Variants in BIN3 observed in about 807,000 individuals in gnomAD.
The protein encoded by BIN3 is bridging integrator 3.
In BIN3, 41 loss-of-function variants were observed where a neutral mutation model predicts 38.2. That is an observed-to-expected ratio of 1.07 (90% CI 0.84 to 1.39). The LOEUF is 1.39. Ranked by LOEUF, BIN3 falls within the 40% of genes most tolerant of loss-of-function variation. BIN3 has a pLI of 0.00. For synonymous variants in BIN3, 145 were observed against 122.6 expected (o/e 1.18, Z -1.21); for missense variants, 361 against 324.3 (o/e 1.11, Z -0.87).
At chr8:22,633,669 G>A (rs1394930119) in intron 4 of BIN3, among the ~76,000 whole-genome samples, 1 of 152,236 alleles carries the variant, frequency 6.6e-6, no homozygotes, top group Non-Finnish European at 1.5e-5. Context: ...CCCCTCAACT[G>A]TCCAGATCAG....
rs567555697 is a variant in BIN3, at chr8:22,639,632, T to C, written c.58-2670A>G. 3.9e-5 allele frequency among the ~76,000 whole-genome samples: 6 copies of C among 152,326 alleles called. No homozygotes were observed. The South Asian group carries it at 1.2e-3, about 32-fold the overall frequency. ...CGTGTAGAGCAGATTGCAAGGTGCC[T>C]GGCCCATGGCAGTCCTCACTAAATG... On this transcript the variant is annotated intron_variant, in intron 2 of 8. Coordinates refer to ENST00000276416, the MANE Select transcript of BIN3 (RefSeq NM_018688.6).
chr8:22,629,587 T>G, intron 6 of BIN3: 1 of 253,050 alleles, frequency 4.0e-6, no homozygotes, highest in Non-Finnish European at 7.7e-6. Flanking sequence ...CGGGGCAAGA[T>G]GAAAGGCCTT....
At chr8:22,665,645 C>T (rs1267836854) in intron 1 of BIN3, among the ~76,000 whole-genome samples, 2 of 152,190 alleles carry the variant, frequency 1.3e-5, no homozygotes, top group Non-Finnish European at 2.9e-5. Flanking sequence ...TATCCAGAGG[C>T]ACATGGGCAC....
chr8:22,642,505 G>A (rs1389684907), intron 2 of BIN3, among the ~76,000 whole-genome samples: 1 of 152,220 alleles, frequency 6.6e-6, no homozygotes, highest in Non-Finnish European at 1.5e-5. Context: ...GACTTTTGTT[G>A]CGTTGGGAAA....
chr8:22,630,357 C>T (rs777138191), intron 5 of BIN3, 85 bp downstream of exon 5: 1 of 1,542,960 alleles, frequency 6.5e-7, no homozygotes, highest in African/African-American at 1.4e-5. Flanking sequence ...AGAGGGAGCC[C>T]ACTCGGGCCT....
rs1802160536 is a variant in BIN3, at chr8:22,630,539, A to G, written c.200T>C (p.Leu67Pro). Reference sequence around the variant, plus strand: ...GTCTTGCTCACAGAGGGGATTGGAGAGTAAGTCCAAGGATATCTTCACGGC... The same window carrying G: ...GTCTTGCTCACAGAGGGGATTGGAGGGTAAGTCCAAGGATATCTTCACGGC... ...KSAVKISLDL[L>P]SNPLCEQDQD... The change falls in exon 5 of 9, where the codon CTC becomes CCC. Residue 67 changes from leucine (L) to proline (P), a missense_variant. Transcript: ENST00000276416. 8 of 1,613,980 alleles carry G rather than the reference A, an allele frequency of 5.0e-6. No individual in the cohort carries two copies. The highest frequency in any genetic ancestry group is 1.3e-5 in the African/African-American group (1 of 75,044).
At chr8:22,648,943 G>GTA (rs1491454710) in intron 1 of BIN3, among the ~76,000 whole-genome samples, 17 of 151,674 alleles carry the variant, frequency 1.1e-4, no homozygotes, top group Non-Finnish European at 1.9e-4. Context: ...ATGTATGTAA[G>GTA]TGTGTGTGTG....
At chr8:22,622,710 G>T (rs1021699576) in intron 8 of BIN3, 1 of 152,334 alleles carries the variant, frequency 6.6e-6, no homozygotes, top group African/African-American at 2.4e-5. Context: ...GTGAGCAACA[G>T]GAGGGAGGGT....
At chr8:22,629,571 A>C in intron 6 of BIN3, 1 of 229,346 alleles carries the variant, frequency 4.4e-6, no homozygotes, top group Non-Finnish European at 8.7e-6. Flanking sequence ...TGCTCTCCCA[A>C]GCTGGCGGGG....
Position 22,623,941 on chromosome 8 carries a change from T to G in BIN3, c.589A>C (p.Ser197Arg). The change falls in exon 8 of 9, where the codon AGC becomes CGC. Residue 197 changes from serine (S) to arginine (R), a missense_variant. Ser to Arg is a moderately radical substitution (Grantham distance 110). Coordinates refer to ENST00000276416, the MANE Select transcript of BIN3 (RefSeq NM_018688.6). ...TGAGCTCGGATGAGGGACTCAAAGCTGGGCTGGAAGTAGTCGAGGCGGCTG... is the reference window on the plus strand; with the variant it reads ...TGAGCTCGGATGAGGGACTCAAAGCGGGGCTGGAAGTAGTCGAGGCGGCTG... ...YGSRLDYFQPSFESLIRAQVV... is the reference protein window; with the variant it reads ...YGSRLDYFQPRFESLIRAQVV... The G allele has an allele frequency of 6.2e-7, 1 of 1,611,942 alleles. No homozygotes were observed.
chr8:22,652,460 C>A (rs189896274), intron 1 of BIN3, among the ~76,000 whole-genome samples: 2 of 152,284 alleles, frequency 1.3e-5, no homozygotes, highest in East Asian at 3.9e-4. Context: ...TCTGGGAACT[C>A]GGCAATGGAA....
intron 8 of BIN3, chr8:22,622,474 G>C (rs1005122672): frequency 6.6e-6 from 1 of 152,524 alleles, no homozygotes; most frequent in South Asian, 2.1e-4. Flanking sequence ...CTCTGGGCTG[G>C]CGGCGGCCCA....
chr8:22,640,746 C>A (rs1474635735), intron 2 of BIN3, among the ~76,000 whole-genome samples: 3 of 152,068 alleles, frequency 2.0e-5, no homozygotes, highest in Admixed American at 6.5e-5. Flanking sequence ...GGATGTCAGA[C>A]AACACCTGGT....
intron 1 of BIN3, among the ~76,000 whole-genome samples, chr8:22,649,369 TAAAA>T (rs1802808905): frequency 7.9e-6 from 1 of 127,346 alleles, no homozygotes; most frequent in East Asian, 3.5e-4. Flanking sequence ...TTTATCTCCT[TAAAA>T]AGTAAAGTAT....
chr8:22,652,145 T>C (rs1802919132), intron 1 of BIN3, among the ~76,000 whole-genome samples: 1 of 152,186 alleles, frequency 6.6e-6, no homozygotes, highest in African/African-American at 2.4e-5. Context: ...AGTTTCTTCT[T>C]CCCTTTATAG....
Position 22,621,221 on chromosome 8 carries a change from G to T in BIN3, c.*201C>A. 1 of 648,314 alleles carries T rather than the reference G, an allele frequency of 1.5e-6. No individual in the cohort carries two copies. The highest frequency in any genetic ancestry group is 2.6e-6 in the Non-Finnish European group (1 of 383,728). 40.2% of individuals were successfully genotyped at this position (648,314 alleles called of 1,614,324 possible). Reference sequence around the variant, plus strand: ...AAGGGTTTGTCTACACTGCTTACCTGCTGGGGCTGTGAGTGGGGAGACGGC... The same window carrying T: ...AAGGGTTTGTCTACACTGCTTACCTTCTGGGGCTGTGAGTGGGGAGACGGC... On this transcript the variant is annotated 3_prime_UTR_variant, in exon 9 of 9. Coordinates refer to ENST00000276416, the MANE Select transcript of BIN3 (RefSeq NM_018688.6).
intron 2 of BIN3, among the ~76,000 whole-genome samples, chr8:22,637,804 A>G (rs1802421570): frequency 6.6e-6 from 1 of 152,226 alleles, no homozygotes; most frequent in South Asian, 2.1e-4. Context: ...TGCAGCCGTC[A>G]GGTGCCAGCT....
intron 1 of BIN3, among the ~76,000 whole-genome samples, chr8:22,652,098 ATC>A (rs1423899812): frequency 6.6e-6 from 1 of 150,826 alleles, no homozygotes. Context: ...TGGATGCCTT[ATC>A]TCTCTGAGGA....
At chr8:22,629,036 A>G (rs1236152117) in intron 6 of BIN3, among the ~76,000 whole-genome samples, 2 of 152,230 alleles carry the variant, frequency 1.3e-5, no homozygotes, top group African/African-American at 4.8e-5. Context: ...GTCCTGGCTT[A>G]GAAACAAGAG....
Sources: allele counts gnomAD v4.1 joint callset (sites outside exome capture counted in the v4.1 genomes callset), GRCh38; gene constraint gnomAD v4.1.1; transcripts MANE v1.5; gene names NCBI Gene and HGNC (gene_info 2026-07-23, HGNC 2026-07-21).